Variants in FHIT observed in about 807,000 individuals in gnomAD.
FHIT encodes fragile histidine triad diadenosine triphosphatase.
A neutral mutation model predicts 17.9 loss-of-function variants in FHIT; 19 were observed. The ratio of observed to expected loss-of-function variants is 1.06; its 90% CI spans 0.74 to 1.56. FHIT has a LOEUF of 1.56. Among genes scored for constraint, FHIT ranks in the 40% most tolerant of loss-of-function variants. The pLI, the probability that FHIT is intolerant of heterozygous loss-of-function variation, is 0.00. For missense variants in FHIT, 248 were observed against 189.2 expected, an observed-to-expected ratio of 1.31 and a Z score of -1.82; for synonymous variants, 81 against 69.7, an observed-to-expected ratio of 1.16 and a Z score of -0.81.
chr3:60,328,376 C>A (rs1287458848), intron 5 of FHIT, among the ~76,000 whole-genome samples: 2 of 152,194 alleles, frequency 1.3e-5, no homozygotes, highest in East Asian at 3.8e-4. Flanking sequence ...TGGACTCACA[C>A]TTCCACATGG....
chr3:60,744,269 A>AAAAAAAAAAAAAAAAAAAAAAAAAAAAC (rs2042306809), intron 4 of FHIT, among the ~76,000 whole-genome samples: 2 of 16,052 alleles, frequency 1.2e-4, no homozygotes, highest in African/African-American at 2.4e-4. Flanking sequence ...AAAACAAAAC[A>AAAAAAAAAAAAAAAAAAAAAAAAAAAAC]AAAAAAAAAA....
At chr3:60,086,237 G>A (rs1703487318) in intron 5 of FHIT, among the ~76,000 whole-genome samples, 1 of 152,070 alleles carries the variant, frequency 6.6e-6, no homozygotes, top group African/African-American at 2.4e-5. Flanking sequence ...CAAAGGACAG[G>A]CATCGATCTA....
At chr3:59,973,179 A>G (rs1708262466) in intron 7 of FHIT, among the ~76,000 whole-genome samples, 1 of 152,056 alleles carries the variant, frequency 6.6e-6, no homozygotes. Context: ...ATCTTGCCTT[A>G]TCCACTCGCA....
intron 4 of FHIT, among the ~76,000 whole-genome samples, chr3:60,644,606 C>G (rs1328199656): frequency 6.6e-6 from 1 of 152,150 alleles, no homozygotes; most frequent in Non-Finnish European, 1.5e-5. Flanking sequence ...CTCTCCTTGC[C>G]CCTCTAAATT....
At chr3:60,114,488 C>A (rs1435747392) in intron 5 of FHIT, among the ~76,000 whole-genome samples, 1 of 59,486 alleles carries the variant, frequency 1.7e-5, no homozygotes, top group Non-Finnish European at 2.9e-5. Flanking sequence ...CAAGAGAAAT[C>A]CTTTTTTTTT....
At chr3:60,374,422 G>A (rs968475010) in intron 5 of FHIT, among the ~76,000 whole-genome samples, 1 of 151,582 alleles carries the variant, frequency 6.6e-6, no homozygotes, top group African/African-American at 2.4e-5. Context: ...ATTCTACTCT[G>A]CATCATTAAA....
At chr3:60,327,967 G>A (rs572773562) in intron 5 of FHIT, among the ~76,000 whole-genome samples, 4 of 152,300 alleles carry the variant, frequency 2.6e-5, no homozygotes, top group African/African-American at 2.4e-5. Context: ...AGGCCACAGT[G>A]ATCCCAGAGC....
At chr3:61,111,346 C>T (rs900903415) in intron 2 of FHIT, among the ~76,000 whole-genome samples, 3 of 152,170 alleles carry the variant, frequency 2.0e-5, no homozygotes, top group African/African-American at 7.2e-5. Context: ...ACAAGCCACA[C>T]TGAATCTCAT....
At chr3:61,179,739 C>T (rs913470883) in intron 2 of FHIT, among the ~76,000 whole-genome samples, 4 of 143,856 alleles carry the variant, frequency 2.8e-5, no homozygotes, top group Non-Finnish European at 6.1e-5. Flanking sequence ...AAAAACCACC[C>T]AAAAACACAC....
chr3:60,114,059 ATATATATATATAT>A (rs1559644250), intron 5 of FHIT, among the ~76,000 whole-genome samples: 47 of 102,048 alleles, frequency 4.6e-4, no homozygotes, highest in South Asian at 1.4e-3. Context: ...ATATATATAT[ATATATATATATAT>A]AATGTTATAT....
intron 5 of FHIT, among the ~76,000 whole-genome samples, chr3:60,293,762 T>A (rs1045312578): frequency 6.6e-6 from 1 of 152,142 alleles, no homozygotes; most frequent in African/African-American, 2.4e-5. Context: ...TAAAGAGGAA[T>A]GGCAAATTTA....
At chr3:59,996,813 T>G (rs1041384171) in intron 7 of FHIT, among the ~76,000 whole-genome samples, 1 of 152,092 alleles carries the variant, frequency 6.6e-6, no homozygotes, top group Non-Finnish European at 1.5e-5. Flanking sequence ...ACAATGAGAT[T>G]GAGAAGCCAT....
At chr3:60,753,635 G>A (rs1553717504) in intron 4 of FHIT, among the ~76,000 whole-genome samples, 1 of 152,104 alleles carries the variant, frequency 6.6e-6, no homozygotes. Context: ...ATAATCCCAA[G>A]TCAGTGCTTT....
chr3:60,999,770 G>C (rs1470966724), intron 3 of FHIT, among the ~76,000 whole-genome samples: 2 of 152,046 alleles, frequency 1.3e-5, no homozygotes, highest in Middle Eastern at 3.4e-3. Context: ...TAATGAAGAT[G>C]GGGTGCCTTA....
chr3:60,487,126 G>A (rs1188907301), intron 5 of FHIT, among the ~76,000 whole-genome samples: 1 of 152,154 alleles, frequency 6.6e-6, no homozygotes, highest in Non-Finnish European at 1.5e-5. Flanking sequence ...TCTGCAGAAA[G>A]GTTTGGTGAC....
intron 5 of FHIT, among the ~76,000 whole-genome samples, chr3:60,324,516 C>T (rs1228574494): frequency 1.4e-5 from 2 of 146,162 alleles, no homozygotes; most frequent in African/African-American, 2.6e-5. Flanking sequence ...ACCCAGGAGG[C>T]GGAGCTTGCA....
At chr3:60,234,945 C>A (rs1704691126) in intron 5 of FHIT, among the ~76,000 whole-genome samples, 1 of 152,098 alleles carries the variant, frequency 6.6e-6, no homozygotes, top group Admixed American at 6.6e-5. Context: ...AATATTTTTA[C>A]TTTTAATATA....
chr3:60,551,056 G>T (rs1292843127), intron 4 of FHIT, among the ~76,000 whole-genome samples: 2 of 152,062 alleles, frequency 1.3e-5, no homozygotes, highest in Non-Finnish European at 2.9e-5. Flanking sequence ...TGACTATATG[G>T]GGATAAAATG....
chr3:61,138,650 C>T (rs2036986408), intron 2 of FHIT, among the ~76,000 whole-genome samples: 1 of 152,188 alleles, frequency 6.6e-6, no homozygotes. Context: ...TGCTGGGCCC[C>T]GTGGCTTGAA....
Sources: gnomAD v4.1 joint callset for allele counts (sites outside exome capture counted in the v4.1 genomes callset) on GRCh38, gnomAD v4.1.1 for gene constraint, MANE v1.5 for transcripts, NCBI Gene and HGNC (gene_info 2026-07-23, HGNC 2026-07-21) for gene names.